OPHN1: variants seen among roughly 807,000 people sequenced by gnomAD.
OPHN1 encodes the protein oligophrenin 1.
Under a neutral mutation model 60.7 loss-of-function variants are expected in OPHN1, and 11 were observed. The ratio of observed to expected loss-of-function variants is 0.18; its 90% CI spans 0.11 to 0.30. OPHN1 has a LOEUF of 0.30. Among genes scored for constraint, OPHN1 ranks in the 10% least tolerant of loss-of-function variants. The pLI, the probability that OPHN1 is intolerant of heterozygous loss-of-function variation, is 1.00. For missense variants in OPHN1, 449 were observed against 611.0 expected (o/e 0.73, Z 2.80); for synonymous variants, 226 against 222.6 (o/e 1.02, Z -0.14).
intron 15 of OPHN1, among the ~76,000 whole-genome samples, chrX:68,128,053 C>G (rs1027846643): frequency 9.7e-6 from 1 of 103,401 alleles, no homozygotes; most frequent in African/African-American, 3.5e-5. Flanking sequence ...ATTACTGATA[C>G]TTTTTTTTTT....
intron 2 of OPHN1, among the ~76,000 whole-genome samples, chrX:68,314,752 A>G (rs906453085): frequency 1.8e-5 from 2 of 110,614 alleles, no homozygotes; most frequent in Non-Finnish European, 3.8e-5. Context: ...TTGGGAGGCC[A>G]AGGCAGGCGG....
At chrX:68,287,530 A>G in intron 3 of OPHN1, among the ~76,000 whole-genome samples, 1 of 110,598 alleles carries the variant, frequency 9.0e-6, no homozygotes, top group Non-Finnish European at 1.9e-5. Flanking sequence ...ACAACCATTT[A>G]AAGAGTAAAC....
chrX:68,339,109 T>C (rs1232622085), intron 2 of OPHN1, among the ~76,000 whole-genome samples: 1 of 104,523 alleles, frequency 9.6e-6, no homozygotes, highest in African/African-American at 3.4e-5. Flanking sequence ...TATATATTTA[T>C]ATATATATGA....
At chrX:68,422,724 G>GA (rs1569309576) in intron 2 of OPHN1, among the ~76,000 whole-genome samples, 8 of 61,975 alleles carry the variant, frequency 1.3e-4, no homozygotes, top group South Asian at 1.2e-3. Flanking sequence ...AGAAAGAAAG[G>GA]AAGGAAGGAA....
At chrX:68,107,496 T>C (rs781298161) in intron 18 of OPHN1, among the ~76,000 whole-genome samples, 2 of 112,013 alleles carry the variant, frequency 1.8e-5, no homozygotes, top group South Asian at 7.5e-4. Flanking sequence ...TATGTCTAAT[T>C]AGGAGGTACA....
intron 19 of OPHN1, among the ~76,000 whole-genome samples, chrX:68,076,177 C>T (rs748959820): frequency 9.0e-6 from 1 of 110,732 alleles, no homozygotes; most frequent in Admixed American, 9.7e-5. Flanking sequence ...TTTGAATAGA[C>T]ACTTTACCAA....
At chrX:68,402,346 A>G (rs771607695) in intron 2 of OPHN1, among the ~76,000 whole-genome samples, 2 of 105,070 alleles carry the variant, frequency 1.9e-5, no homozygotes, top group East Asian at 3.1e-4. Flanking sequence ...AAAGAAGAAG[A>G]AGGAGGAGAA....
chrX:68,053,575 G>A (rs892221862), intron 22 of OPHN1, 70 bp downstream of exon 22: 80 of 1,073,618 alleles, frequency 7.5e-5, no homozygotes, highest in Non-Finnish European at 9.1e-5. Flanking sequence ...CCTTAATATG[G>A]TGATCCTGAA....
intron 2 of OPHN1, among the ~76,000 whole-genome samples, chrX:68,365,373 C>A (rs2078493047): frequency 9.0e-6 from 1 of 111,007 alleles, no homozygotes; most frequent in South Asian, 3.8e-4. Flanking sequence ...ATTGAAGAAG[C>A]TGGAACAAGA....
intron 15 of OPHN1, among the ~76,000 whole-genome samples, chrX:68,121,353 A>T (rs1359772876): frequency 8.9e-6 from 1 of 111,929 alleles, no homozygotes; most frequent in African/African-American, 3.2e-5. Flanking sequence ...ACATTTCTCC[A>T]AAAAAAGAGA....
At chrX:68,141,268 T>C (rs2077241480) in intron 15 of OPHN1, among the ~76,000 whole-genome samples, 1 of 111,906 alleles carries the variant, frequency 8.9e-6, no homozygotes, top group Admixed American at 9.5e-5. Flanking sequence ...AGTCAGACTT[T>C]GTAAACTTTC....
At chrX:68,285,920 T>C (rs2147609322) in intron 3 of OPHN1, among the ~76,000 whole-genome samples, 1 of 111,019 alleles carries the variant, frequency 9.0e-6, no homozygotes, top group South Asian at 3.8e-4. Context: ...TGAGACACTG[T>C]TCTCATTCAT....
intron 5 of OPHN1, among the ~76,000 whole-genome samples, chrX:68,269,827 G>A (rs1423274949): frequency 1.8e-5 from 2 of 111,786 alleles, no homozygotes; most frequent in African/African-American, 6.5e-5. Flanking sequence ...GAAAAATTTT[G>A]CAGTCTACTC....
At chrX:68,080,961 C>A (rs1013361413) in intron 19 of OPHN1, among the ~76,000 whole-genome samples, 1 of 111,504 alleles carries the variant, frequency 9.0e-6, no homozygotes, top group East Asian at 2.8e-4. Flanking sequence ...GCTCCCACAG[C>A]ATCCAATGCA....
At chrX:68,407,065 G>T (rs768626888) in intron 2 of OPHN1, among the ~76,000 whole-genome samples, 1 of 111,859 alleles carries the variant, frequency 8.9e-6, no homozygotes, top group African/African-American at 3.2e-5. Context: ...TTAGCCGGGC[G>T]TAGTGGTGTG....
chrX:68,354,211 G>A (rs769400712), intron 2 of OPHN1, among the ~76,000 whole-genome samples: 1 of 110,045 alleles, frequency 9.1e-6, no homozygotes, highest in African/African-American at 3.3e-5. Flanking sequence ...TTAGGAGGCC[G>A]AGGCTGGCAG....
chrX:68,432,245 C>T (rs1001592141), intron 2 of OPHN1, among the ~76,000 whole-genome samples: 3 of 111,516 alleles, frequency 2.7e-5, no homozygotes, highest in Non-Finnish European at 5.6e-5. Flanking sequence ...CTTTGTTCCA[C>T]ACTCAAGCAG....
intron 6 of OPHN1, among the ~76,000 whole-genome samples, chrX:68,223,797 T>C (rs1277251863): frequency 1.8e-5 from 2 of 111,751 alleles, no homozygotes; most frequent in Admixed American, 9.6e-5. Flanking sequence ...AGAGTAGCTA[T>C]ATTAATTTCA....
chrX:68,108,499 CTTT>C (rs1418457388), intron 18 of OPHN1, among the ~76,000 whole-genome samples: 1 of 110,808 alleles, frequency 9.0e-6, no homozygotes, highest in Non-Finnish European at 1.9e-5. Context: ...TTCCTTATGT[CTTT>C]TTTATCAGTA....
Sources: allele counts gnomAD v4.1 joint callset (sites outside exome capture counted in the v4.1 genomes callset), GRCh38; gene constraint gnomAD v4.1.1; transcripts MANE v1.5; gene names NCBI Gene and HGNC (gene_info 2026-07-23, HGNC 2026-07-21).